NEGR1: variants seen among roughly 807,000 people sequenced by gnomAD.
NEGR1 encodes IgLON family member 4.
A neutral mutation model predicts 40.9 loss-of-function variants in NEGR1; 10 were observed. That is an observed-to-expected ratio of 0.24 (90% CI 0.15 to 0.42). The LOEUF is 0.42. NEGR1 is among the 10% of genes least tolerant of loss of function. The pLI is 1.00. For synonymous variants in NEGR1, 185 were observed against 166.8 expected (o/e 1.11, Z -0.84); for missense variants, 352 against 438.9 (o/e 0.80, Z 1.77).
rs149754538 is a variant in NEGR1, at chr1:71,590,504, A to G, written c.940+2313T>C. 1.0e-3 allele frequency among the ~76,000 whole-genome samples: 156 copies of G among 150,630 alleles called. No individual in the cohort carries two copies. The Middle Eastern group carries it at 0.017, about 17-fold the overall frequency. ...TCCTACTCACCCTTTTCTTTCCAAC[A>G]TCTAGTGCCGTGCTTTGCCGGGTGT... On this transcript the variant is annotated intron_variant, in intron 6 of 6. Coordinates refer to ENST00000357731, the MANE Select transcript of NEGR1 (RefSeq NM_173808.3).
intron 2 of NEGR1, among the ~76,000 whole-genome samples, chr1:71,804,680 T>G (rs1166436628): frequency 6.6e-6 from 1 of 152,220 alleles, no homozygotes; most frequent in Non-Finnish European, 1.5e-5. Flanking sequence ...TGTCTTTACT[T>G]TAATCTCTTA....
In NEGR1 at chr1:72,066,447, TAATA is replaced by T. The variant is rs560869726; in HGVS notation, c.177-131140_177-131137del. On this transcript the variant is annotated intron_variant, in intron 1 of 6. Coordinates refer to ENST00000357731, the MANE Select transcript of NEGR1 (RefSeq NM_173808.3). ...TTAACTTTTATAGTAACAAGAGAAATAATAAATAATGATTAACTGTTATGAACTG... is the reference window on the plus strand; with the variant it reads ...TTAACTTTTATAGTAACAAGAGAAATAATAATGATTAACTGTTATGAACTG... Among the ~76,000 whole-genome samples, 73 of 152,256 alleles carry T rather than the reference TAATA, an allele frequency of 4.8e-4. 1 individual carries two copies. The highest frequency in any genetic ancestry group is 1.2e-3 in the Admixed American group (18 of 15,264).
intron 1 of NEGR1, among the ~76,000 whole-genome samples, chr1:72,187,398 G>A (rs2821292): frequency 1 from 151,217 of 151,508 alleles, 75,463 homozygotes; most frequent in Non-Finnish European, 1. Flanking sequence ...AGTATTAAAT[G>A]TTTAATCTCA....
chr1:71,885,131 A>G (rs1314484835), intron 2 of NEGR1, among the ~76,000 whole-genome samples: 1 of 152,234 alleles, frequency 6.6e-6, no homozygotes, highest in Non-Finnish European at 1.5e-5. Flanking sequence ...CAGAATAATA[A>G]GCACAGTAAA....
intron 1 of NEGR1, among the ~76,000 whole-genome samples, chr1:72,087,800 TGCCCAG>T (rs910883165): frequency 8.0e-5 from 12 of 149,872 alleles, no homozygotes; most frequent in African/African-American, 2.7e-4. Flanking sequence ...CTCACTATGT[TGCCCAG>T]GCTGGTTTTG....
intron 2 of NEGR1, among the ~76,000 whole-genome samples, chr1:71,826,889 G>A (rs927327824): frequency 6.6e-6 from 1 of 151,882 alleles, no homozygotes; most frequent in African/African-American, 2.4e-5. Flanking sequence ...AAGGTAAAAA[G>A]AACATTCATT....
In NEGR1 at chr1:72,107,767, G is replaced by A. The variant is rs547156100; in HGVS notation, c.177-172456C>T. 8.0e-5 allele frequency among the ~76,000 whole-genome samples: 12 copies of A among 150,660 alleles called. No individual in the cohort carries two copies. The East Asian group carries it at 1.6e-3, about 20-fold the overall frequency. On this transcript the variant is annotated intron_variant, in intron 1 of 6. Coordinates refer to ENST00000357731, the MANE Select transcript of NEGR1 (RefSeq NM_173808.3). ...GTATGTGTATATATGTACACCATAC[G>A]TACATCCACCATGTGTGGTGGATGT...
intron 1 of NEGR1, among the ~76,000 whole-genome samples, chr1:72,248,575 T>C (rs1313735233): frequency 7.5e-6 from 1 of 132,962 alleles, no homozygotes; most frequent in African/African-American, 2.8e-5. Flanking sequence ...TCTATTTTTA[T>C]TTATTATTAT....
rs539881905 is a variant in NEGR1, at chr1:71,607,070, G to A, written c.788+3956C>T. Reference sequence around the variant, plus strand: ...ATAAGTTATTTCTGATTATTTATGTGAGCCTCAAATCAAAAAAGGTCTCTA... The same window carrying A: ...ATAAGTTATTTCTGATTATTTATGTAAGCCTCAAATCAAAAAAGGTCTCTA... On this transcript the variant is annotated intron_variant, in intron 5 of 6. Transcript: ENST00000357731. 8.1e-4 allele frequency among the ~76,000 whole-genome samples: 123 copies of A among 152,262 alleles called. 1 individual carries two copies. Among genetic ancestry groups the A allele is most frequent in the African/African-American group, 2.8e-3 (118 of 41,556 alleles).
chr1:72,071,029 A>T (rs1160295408), intron 1 of NEGR1, among the ~76,000 whole-genome samples: 1 of 152,116 alleles, frequency 6.6e-6, no homozygotes, highest in Non-Finnish European at 1.5e-5. Context: ...TAAGTGGAAC[A>T]TAGTTTTTAT....
intron 1 of NEGR1, among the ~76,000 whole-genome samples, chr1:72,116,827 T>A (rs986398488): frequency 6.6e-6 from 1 of 151,884 alleles, no homozygotes; most frequent in East Asian, 1.9e-4. Flanking sequence ...TTGCTAACAC[T>A]AAAATGCCCT....
intron 6 of NEGR1, among the ~76,000 whole-genome samples, chr1:71,510,429 A>G (rs1647064901): frequency 6.6e-6 from 1 of 152,218 alleles, no homozygotes; most frequent in Non-Finnish European, 1.5e-5. Flanking sequence ...ACCATTTTAA[A>G]TGGTTCATTT....
intron 1 of NEGR1, among the ~76,000 whole-genome samples, chr1:72,022,060 G>A (rs1026093923): frequency 2.0e-5 from 3 of 151,744 alleles, no homozygotes; most frequent in African/African-American, 7.3e-5. Flanking sequence ...GCGTGAACCC[G>A]GGAGGCGGAG....
chr1:71,876,735 A>T (rs987593596), intron 2 of NEGR1, among the ~76,000 whole-genome samples: 3 of 152,160 alleles, frequency 2.0e-5, no homozygotes, highest in African/African-American at 7.2e-5. Flanking sequence ...GCATATATGT[A>T]GCATGTCAGG....
intron 1 of NEGR1, among the ~76,000 whole-genome samples, chr1:72,207,242 C>G (rs773803142): frequency 4.0e-5 from 6 of 151,520 alleles, no homozygotes; most frequent in Non-Finnish European, 7.4e-5. Flanking sequence ...TTTCAAGAAG[C>G]AAATATCAGA....
At chr1:71,971,870 C>T (rs1646259471) in intron 1 of NEGR1, among the ~76,000 whole-genome samples, 1 of 152,196 alleles carries the variant, frequency 6.6e-6, no homozygotes, top group Non-Finnish European at 1.5e-5. Flanking sequence ...ACGTTATCTG[C>T]TTCTTTCTCT....
chr1:71,485,143 T>G (rs972731309), intron 6 of NEGR1, among the ~76,000 whole-genome samples: 1 of 151,612 alleles, frequency 6.6e-6, no homozygotes, highest in Non-Finnish European at 1.5e-5. Flanking sequence ...TTGTTTAGTT[T>G]AGATAATTGT....
intron 2 of NEGR1, among the ~76,000 whole-genome samples, chr1:71,816,176 G>T (rs558833646): frequency 6.6e-6 from 1 of 152,154 alleles, no homozygotes; most frequent in Admixed American, 6.6e-5. Context: ...AACTCAAAGA[G>T]AACTCAATAT....
chr1:71,783,144 C>T (rs1656776749), intron 2 of NEGR1, among the ~76,000 whole-genome samples: 1 of 152,010 alleles, frequency 6.6e-6, no homozygotes, highest in Non-Finnish European at 1.5e-5. Context: ...GAAGCTTTTC[C>T]AAACTGCTTG....
Sources: gnomAD v4.1 joint callset for allele counts (sites outside exome capture counted in the v4.1 genomes callset) on GRCh38, gnomAD v4.1.1 for gene constraint, MANE v1.5 for transcripts, NCBI Gene and HGNC (gene_info 2026-07-23, HGNC 2026-07-21) for gene names.